AGO2: variants seen among roughly 807,000 people sequenced by gnomAD.
AGO2 encodes protein argonaute-2.
Under a neutral mutation model 102.3 loss-of-function variants are expected in AGO2, and 5 were observed. That is an observed-to-expected ratio of 0.05 (90% CI 0.03 to 0.10). AGO2 has a LOEUF of 0.10. AGO2 is among the 10% of genes least tolerant of loss of function. The pLI is 1.00. For synonymous variants in AGO2, 449 were observed against 473.1 expected (o/e 0.95, Z 0.66); for missense variants, 541 against 1,183.7 (o/e 0.46, Z 7.97).
chr8:140,558,614 G>A (rs1443659820), intron 6 of AGO2, 42 bp from the exon 7 acceptor site: 34 of 1,596,590 alleles, frequency 2.1e-5, no homozygotes, highest in Non-Finnish European at 2.7e-5. Context: ...GGGCTGTCCC[G>A]ACCTGAGTGC....
intron 3 of AGO2, among the ~76,000 whole-genome samples, chr8:140,569,510 C>T (rs1401109926): frequency 6.6e-6 from 1 of 152,200 alleles, no homozygotes; most frequent in East Asian, 1.9e-4. Context: ...AAACAGTGCT[C>T]CTTCTGGCCA....
chr8:140,540,272 G>A lies in AGO2; in HGVS notation c.2035-818C>T, dbSNP rs115498857. Among the ~76,000 whole-genome samples the A allele has an allele frequency of 4.0e-3, 614 of 152,264 alleles. 5 individuals carry two copies. Among genetic ancestry groups the A allele is most frequent in the African/African-American group, 0.01 (417 of 41,556 alleles). On this transcript the variant is annotated intron_variant, in intron 15 of 18. Transcript: ENST00000220592. This position sits in a 1 kb window ranked among gnomAD's most constrained non-coding sequence, Gnocchi z 5.0. Reference sequence around the variant, plus strand: ...AGGCAAATGGGGGAGGCTGGGCTGCGTGCCATCCCGCCTCCTGATCAAGGC... The same window carrying A: ...AGGCAAATGGGGGAGGCTGGGCTGCATGCCATCCCGCCTCCTGATCAAGGC...
intron 13 of AGO2, among the ~76,000 whole-genome samples, chr8:140,545,600 G>A (rs918568725): frequency 6.6e-6 from 1 of 152,174 alleles, no homozygotes; most frequent in Non-Finnish European, 1.5e-5. Context: ...CGCTGTGGGG[G>A]CCAGTTCATC....
chr8:140,554,128 G>A (rs1411604725), intron 10 of AGO2, among the ~76,000 whole-genome samples: 1 of 152,254 alleles, frequency 6.6e-6, no homozygotes, highest in African/African-American at 2.4e-5. Flanking sequence ...AGCCAGCAGG[G>A]CTGTGAAGCG....
intron 11 of AGO2, among the ~76,000 whole-genome samples, chr8:140,549,875 T>A (rs923334056): frequency 6.6e-6 from 1 of 151,734 alleles, no homozygotes; most frequent in Non-Finnish European, 1.5e-5. Flanking sequence ...TGGGGCGGGG[T>A]GGGAGGCAGG....
intron 16 of AGO2, among the ~76,000 whole-genome samples, chr8:140,536,516 G>A (rs369862146): frequency 1.2e-4 from 18 of 152,020 alleles, no homozygotes; most frequent in South Asian, 4.2e-4. Context: ...TAGTAGAGAC[G>A]GGGTTTCACT....
intron 3 of AGO2, among the ~76,000 whole-genome samples, chr8:140,570,319 G>A (rs1296885533): frequency 1.3e-5 from 2 of 152,172 alleles, no homozygotes; most frequent in African/African-American, 4.8e-5. Flanking sequence ...TCCATCTCCC[G>A]GGTTCGAGTG....
chr8:140,585,398 C>T, intron 1 of AGO2, 87 bp from the exon 2 acceptor site: 2 of 1,444,706 alleles, frequency 1.4e-6, no homozygotes, highest in Non-Finnish European at 1.9e-6. Flanking sequence ...CCACTATATG[C>T]CCCCCTCTGC....
At chr8:140,535,252 C>A (rs2072676386) in intron 17 of AGO2, 2 of 574,276 alleles carry the variant, frequency 3.5e-6, no homozygotes, top group Admixed American at 6.0e-5. Flanking sequence ...CCAAATGGGA[C>A]TTCCTTTTTC....
At chr8:140,630,269 C>T (rs563886018) in intron 1 of AGO2, among the ~76,000 whole-genome samples, 6 of 152,336 alleles carry the variant, frequency 3.9e-5, no homozygotes, top group South Asian at 2.1e-4. Flanking sequence ...CTGCTTTGCA[C>T]GGACAGTTCT....
At chr8:140,634,881 G>A (rs1272727756) in intron 1 of AGO2, among the ~76,000 whole-genome samples, 2 of 152,156 alleles carry the variant, frequency 1.3e-5, no homozygotes, top group Admixed American at 1.3e-4. Flanking sequence ...TGGGAAAAGG[G>A]GCCGAAGAAG....
At chr8:140,615,738 T>C (rs540000005) in intron 1 of AGO2, among the ~76,000 whole-genome samples, 1 of 152,390 alleles carries the variant, frequency 6.6e-6, no homozygotes, top group Admixed American at 6.5e-5. Context: ...TGCTCATGCC[T>C]GTGGCAGCTC....
At chr8:140,556,730 G>A (rs1564084632) in intron 8 of AGO2, among the ~76,000 whole-genome samples, 4 of 152,294 alleles carry the variant, frequency 2.6e-5, no homozygotes, top group African/African-American at 9.6e-5. Flanking sequence ...GCTCAGGGTC[G>A]GAATTTGATC....
At chr8:140,617,424 T>C (rs1246035678) in intron 1 of AGO2, among the ~76,000 whole-genome samples, 1 of 152,128 alleles carries the variant, frequency 6.6e-6, no homozygotes, top group Non-Finnish European at 1.5e-5. Flanking sequence ...GCTATTTTTT[T>C]GTATTTTTAG....
Position 140,557,989 on chromosome 8 carries a change from CA to C in AGO2, c.878+495del. Among the ~76,000 whole-genome samples the C allele has an allele frequency of 6.6e-6, 1 of 152,308 alleles. No individual in the cohort carries two copies. Among genetic ancestry groups the C allele is most frequent in the South Asian group, 2.1e-4 (1 of 4,824 alleles). On this transcript the variant is annotated intron_variant, in intron 7 of 18. Transcript: ENST00000220592. This position sits in a 1 kb window ranked among gnomAD's most constrained non-coding sequence, Gnocchi z 5.9. ...AAACGAACCCTACCGGCCTGGGAGA[CA>C]TTAACTGGGGCACAGGGGCCAAATC...
intron 1 of AGO2, among the ~76,000 whole-genome samples, chr8:140,634,399 A>G (rs1447255827): frequency 6.6e-6 from 1 of 152,224 alleles, no homozygotes; most frequent in Non-Finnish European, 1.5e-5. Flanking sequence ...ACATAAGCCC[A>G]GAGCCCGGCG....
intron 14 of AGO2, among the ~76,000 whole-genome samples, chr8:140,542,538 G>A (rs1467077819): frequency 7.0e-6 from 1 of 143,492 alleles, no homozygotes; most frequent in Non-Finnish European, 1.5e-5. Flanking sequence ...GGGGATAGGG[G>A]ATAAACACAC....
chr8:140,581,724 G>T (rs1325199123), intron 2 of AGO2, among the ~76,000 whole-genome samples: 1 of 152,188 alleles, frequency 6.6e-6, no homozygotes, highest in Non-Finnish European at 1.5e-5. Flanking sequence ...TAACCCAGTG[G>T]TGCACATAGT....
At chr8:140,562,393 CG>C (rs879351873) in intron 4 of AGO2, 59 bp downstream of exon 4, 9 of 1,550,976 alleles carry the variant, frequency 5.8e-6, no homozygotes, top group Middle Eastern at 2.4e-4. Flanking sequence ...TCAGACCCTG[CG>C]GGGGGCCCTC....
Sources: allele counts gnomAD v4.1 joint callset (sites outside exome capture counted in the v4.1 genomes callset), GRCh38; gene constraint gnomAD v4.1.1; non-coding constraint Gnocchi (gnomAD v3.1); transcripts MANE v1.5; gene names NCBI Gene and HGNC (gene_info 2026-07-23, HGNC 2026-07-21).